The following SNTG2 variants were observed in gnomAD, a reference collection of about 807,000 sequenced individuals.
The protein encoded by SNTG2 is gamma-2-syntrophin.
Under a neutral mutation model 70.9 loss-of-function variants are expected in SNTG2, and 74 were observed. The observed-to-expected ratio is 1.04, with a 90% CI of 0.86 to 1.27. The LOEUF (loss-of-function observed/expected upper bound fraction) is 1.27, where lower values mean the gene tolerates loss of function less well. Among genes scored for constraint, SNTG2 ranks in the 50% most tolerant of loss-of-function variants. The probability of loss-of-function intolerance (pLI) is 0.00; values close to 1 mark genes in which losing one functional copy is unlikely to be tolerated. For missense variants in SNTG2, 717 were observed against 690.7 expected (o/e 1.04, Z -0.43); for synonymous variants, 278 against 273.8 (o/e 1.02, Z -0.15).
At chr2:1,109,941 G>A (rs563696554) in intron 4 of SNTG2, among the ~76,000 whole-genome samples, 28 of 152,290 alleles carry the variant, frequency 1.8e-4, no homozygotes, top group African/African-American at 6.7e-4. Flanking sequence ...AGTATTCATC[G>A]TTCAGCGCCA....
intron 12 of SNTG2, among the ~76,000 whole-genome samples, chr2:1,251,054 G>C (rs1677724558): frequency 6.6e-6 from 1 of 152,188 alleles, no homozygotes; most frequent in Non-Finnish European, 1.5e-5. Flanking sequence ...CCATCATTGT[G>C]GTTCTGAAGG....
At chr2:1,200,516 A>G (rs4266053) in intron 8 of SNTG2, among the ~76,000 whole-genome samples, 82,761 of 151,838 alleles carry the variant, frequency 0.55, 23,463 homozygotes, top group East Asian at 0.75. Flanking sequence ...TTTTAAAATA[A>G]ACAAATGGAA....
chr2:1,089,353 A>G (rs976577634), intron 2 of SNTG2, among the ~76,000 whole-genome samples: 35 of 152,274 alleles, frequency 2.3e-4, no homozygotes, highest in African/African-American at 8.2e-4. Context: ...TCATTATAAA[A>G]GTTTACACCA....
intron 15 of SNTG2, among the ~76,000 whole-genome samples, chr2:1,314,672 G>C (rs941872976): frequency 6.6e-6 from 1 of 152,176 alleles, no homozygotes; most frequent in Admixed American, 6.5e-5. Flanking sequence ...GACAACCACG[G>C]GATATTAGTC....
chr2:978,456 T>TTG (rs1660986653), intron 1 of SNTG2, among the ~76,000 whole-genome samples: 1 of 152,170 alleles, frequency 6.6e-6, no homozygotes, highest in Non-Finnish European at 1.5e-5. Flanking sequence ...AAGGAACATA[T>TTG]CTCAAAAATT....
At chr2:1,119,610 A>G (rs991511088) in intron 4 of SNTG2, among the ~76,000 whole-genome samples, 2 of 151,186 alleles carry the variant, frequency 1.3e-5, no homozygotes, top group African/African-American at 2.4e-5. Flanking sequence ...ATAGTAGACT[A>G]TAAGATATTT....
chr2:1,354,223 G>A (rs1660727896), intron 16 of SNTG2, among the ~76,000 whole-genome samples: 1 of 151,810 alleles, frequency 6.6e-6, no homozygotes, highest in Non-Finnish European at 1.5e-5. Context: ...TGTGGGGGAA[G>A]TGGAAGAACG....
At chr2:1,115,764 T>C (rs1666923833) in intron 4 of SNTG2, among the ~76,000 whole-genome samples, 1 of 150,950 alleles carries the variant, frequency 6.6e-6, no homozygotes, top group Non-Finnish European at 1.5e-5. Flanking sequence ...TCGTGTGTAC[T>C]AAGTGATGTT....
At chr2:1,005,668 G>T (rs568611039) in intron 1 of SNTG2, among the ~76,000 whole-genome samples, 14 of 150,996 alleles carry the variant, frequency 9.3e-5, no homozygotes, top group Non-Finnish European at 2.1e-4. Flanking sequence ...GCCAGGCGTG[G>T]TGACATGTGC....
intron 7 of SNTG2, among the ~76,000 whole-genome samples, chr2:1,167,486 G>A (rs1338816749): frequency 3.7e-5 from 5 of 133,350 alleles, no homozygotes; most frequent in Admixed American, 7.4e-5. Flanking sequence ...CAGAACTGAA[G>A]CCTAGAAGCC....
rs1201303135 is a variant in SNTG2, at chr2:1,238,028, G to A, written c.849+11G>A. 5 of 1,605,022 alleles carry A rather than the reference G, an allele frequency of 3.1e-6. No individual in the cohort carries two copies. Among genetic ancestry groups the A allele is most frequent in the South Asian group, 1.1e-5 (1 of 89,122 alleles). On this transcript the variant is annotated intron_variant, in intron 10 of 16. Transcript: ENST00000308624. ...CTGACACTTCAGAACGTGAGCACACGGTGTTTCTGAGTCTCTGCTGATGCT... is the reference window on the plus strand; with the variant it reads ...CTGACACTTCAGAACGTGAGCACACAGTGTTTCTGAGTCTCTGCTGATGCT...
intron 10 of SNTG2, among the ~76,000 whole-genome samples, chr2:1,238,702 C>T (rs1234563379): frequency 1.3e-5 from 2 of 152,224 alleles, no homozygotes; most frequent in Non-Finnish European, 2.9e-5. Context: ...TGCCTGGAGG[C>T]GGCCCTGGAC....
rs574958112 is a variant in SNTG2 at position 999,140 on chromosome 2, G to A, written c.72+48072G>A. On this transcript the variant is annotated intron_variant, in intron 1 of 16. Coordinates refer to ENST00000308624, the MANE Select transcript of SNTG2 (RefSeq NM_018968.4). ...AGACTGGCCCTGCAACAAATGGAGA[G>A]TTCTAAACGTGGAAACAAAATGTTG... is the stretch of plus-strand genomic sequence containing the variant. Among the ~76,000 whole-genome samples, 7 of 152,162 alleles carry A rather than the reference G, an allele frequency of 4.6e-5. No homozygotes were observed. The South Asian group carries it at 1.5e-3, about 32-fold the overall frequency.
chr2:1,043,310 G>A (rs963537440), intron 1 of SNTG2, among the ~76,000 whole-genome samples: 1 of 152,048 alleles, frequency 6.6e-6, no homozygotes, highest in Admixed American at 6.6e-5. Flanking sequence ...ATGGATTCTG[G>A]ATATTATACC....
At chr2:1,362,605 C>T (rs1207553451) in intron 16 of SNTG2, among the ~76,000 whole-genome samples, 1 of 151,070 alleles carries the variant, frequency 6.6e-6, no homozygotes, top group Admixed American at 6.6e-5. Flanking sequence ...GTAGAGCTTC[C>T]ATGAAGGTCA....
chr2:1,172,761 G>A (rs112952137), intron 7 of SNTG2, among the ~76,000 whole-genome samples: 2,216 of 152,274 alleles, frequency 0.015, 53 homozygotes, highest in African/African-American at 0.048. Flanking sequence ...CACAGAAGGC[G>A]CCTTGTGCTG....
intron 16 of SNTG2, among the ~76,000 whole-genome samples, chr2:1,338,290 A>G (rs1573000484): frequency 6.6e-6 from 1 of 152,180 alleles, no homozygotes; most frequent in East Asian, 1.9e-4. Flanking sequence ...CAATATTAAC[A>G]CCTTAATAAC....
chr2:976,322 A>C (rs1660904949), intron 1 of SNTG2, among the ~76,000 whole-genome samples: 1 of 152,116 alleles, frequency 6.6e-6, no homozygotes, highest in Non-Finnish European at 1.5e-5. Flanking sequence ...GCTGGGGAGG[A>C]AGAGAAACAC....
Position 1,209,162 on chromosome 2 carries a change from G to A in SNTG2, c.651G>A (p.Leu217=). ...AKDPRYEKRW[L]DTLSVPLSMA... is the part of the protein sequence containing the mutation. ...ACCCGAGGTATGAGAAGCGCTGGCT[G>A]GACACCTTGTCCGTGCCTCTGTCCA... Residue 217 remains leucine, a synonymous_variant, in exon 9 of 17, where the codon CTG becomes CTA. Transcript: ENST00000308624. 1 of 1,613,942 alleles carries A rather than the reference G, an allele frequency of 6.2e-7. No individual in the cohort carries two copies. The highest frequency in any genetic ancestry group is 8.5e-7 in the Non-Finnish European group (1 of 1,179,878).
Sources: allele counts gnomAD v4.1 joint callset (sites outside exome capture counted in the v4.1 genomes callset), GRCh38; gene constraint gnomAD v4.1.1; transcripts MANE v1.5; gene names NCBI Gene and HGNC (gene_info 2026-07-23, HGNC 2026-07-21).